Variants in TACC2 observed in about 807,000 individuals in gnomAD.
TACC2 encodes the protein transforming acidic coiled-coil-containing protein 2.
In TACC2, 137 loss-of-function variants were observed where a neutral mutation model predicts 227.3. The ratio of observed to expected loss-of-function variants is 0.60; its 90% CI spans 0.52 to 0.69. TACC2 has a LOEUF of 0.69. Ranked by LOEUF, TACC2 falls within the 30% of genes least tolerant of loss-of-function variation. The pLI is 0.00. For missense variants in TACC2, 3,470 were observed against 3,694.4 expected (o/e 0.94, Z 1.57); for synonymous variants, 1,523 against 1,487.5 (o/e 1.02, Z -0.55).
chr10:122,190,526 T>C (rs1311771812), intron 7 of TACC2, among the ~76,000 whole-genome samples: 1 of 152,184 alleles, frequency 6.6e-6, no homozygotes, highest in Non-Finnish European at 1.5e-5. Flanking sequence ...GGTTACGTTG[T>C]TCCCTCTTTC....
chr10:122,154,362 G>A (rs1011975264), intron 7 of TACC2, among the ~76,000 whole-genome samples: 1 of 152,234 alleles, frequency 6.6e-6, no homozygotes, highest in South Asian at 2.1e-4. Context: ...CACTGCACAG[G>A]GGAAATGCTT....
intron 17 of TACC2, among the ~76,000 whole-genome samples, chr10:122,237,746 C>G (rs958941554): frequency 3.9e-5 from 6 of 152,202 alleles, no homozygotes; most frequent in Non-Finnish European, 4.4e-5. Context: ...AAAAGCATGC[C>G]CCTTTCAGTT....
chr10:122,214,578 C>T (rs886678727), intron 9 of TACC2, among the ~76,000 whole-genome samples: 1 of 152,150 alleles, frequency 6.6e-6, no homozygotes, highest in Admixed American at 6.5e-5. Flanking sequence ...AAAGAGCCCC[C>T]ATTCTGACTG....
intron 5 of TACC2, among the ~76,000 whole-genome samples, chr10:122,118,740 A>G (rs927245288): frequency 4.6e-5 from 7 of 152,196 alleles, no homozygotes; most frequent in Admixed American, 1.3e-4. Flanking sequence ...TGCCTCATCT[A>G]TATAAGAATA....
At chr10:122,095,032 C>G (rs1035609868) in intron 5 of TACC2, among the ~76,000 whole-genome samples, 5 of 152,174 alleles carry the variant, frequency 3.3e-5, no homozygotes, top group African/African-American at 1.2e-4. Flanking sequence ...AGCTCCCCCC[C>G]ACCACTTTAT....
chr10:122,132,045 A>G (rs1264494840), intron 5 of TACC2, among the ~76,000 whole-genome samples: 193 of 3,164 alleles, frequency 0.061, 1 homozygote, highest in East Asian at 0.31. Flanking sequence ...AGAAAGAAAG[A>G]AAGAAAGAAA....
chr10:122,170,774 C>T (rs972897970), intron 7 of TACC2, among the ~76,000 whole-genome samples: 1 of 152,228 alleles, frequency 6.6e-6, no homozygotes, highest in African/African-American at 2.4e-5. Flanking sequence ...CGCCGCTCCT[C>T]CCCTCGCCTG....
chr10:122,082,583 C>G, intron 3 of TACC2, 64 bp from the exon 4 acceptor site: 2 of 1,534,130 alleles, frequency 1.3e-6, no homozygotes, highest in Non-Finnish European at 1.8e-6. Context: ...GGGGGGTGAC[C>G]TGCCTGCAGT....
At chr10:122,239,799 G>A (rs1277949678) in intron 18 of TACC2, among the ~76,000 whole-genome samples, 7 of 152,160 alleles carry the variant, frequency 4.6e-5, no homozygotes, top group Admixed American at 3.3e-4. Flanking sequence ...CAGATGTACC[G>A]GCATTTGGTA....
intron 6 of TACC2, among the ~76,000 whole-genome samples, chr10:122,140,490 A>C (rs2090366007): frequency 6.6e-6 from 1 of 152,242 alleles, no homozygotes; most frequent in Non-Finnish European, 1.5e-5. Flanking sequence ...GGAAAAAGGC[A>C]TCCCAGATGT....
intron 7 of TACC2, among the ~76,000 whole-genome samples, chr10:122,189,432 G>A (rs2094333023): frequency 6.6e-6 from 1 of 152,176 alleles, no homozygotes; most frequent in Non-Finnish European, 1.5e-5. Context: ...ATGCTGGCTG[G>A]CTTTCCCCGA....
intron 3 of TACC2, chr10:122,051,642 C>G (rs1252046005): frequency 6.6e-6 from 1 of 152,062 alleles, no homozygotes; most frequent in African/African-American, 2.4e-5. Flanking sequence ...TTAAGGGAAG[C>G]AAATGAGCAG....
At chr10:122,036,184 G>C (rs1960259155) in intron 2 of TACC2, among the ~76,000 whole-genome samples, 1 of 147,970 alleles carries the variant, frequency 6.8e-6, no homozygotes, top group Non-Finnish European at 1.5e-5. Flanking sequence ...ACCACATTTT[G>C]CTAATCCATT....
At chr10:122,075,764 A>C (rs57182949) in intron 3 of TACC2, among the ~76,000 whole-genome samples, 15,954 of 152,222 alleles carry the variant, frequency 0.1, 1,212 homozygotes, top group East Asian at 0.32. Context: ...CGCAGAATAC[A>C]TGAAACTGGA....
chr10:122,164,716 A>G (rs1235369474), intron 7 of TACC2, among the ~76,000 whole-genome samples: 2 of 152,120 alleles, frequency 1.3e-5, no homozygotes, highest in African/African-American at 4.8e-5. Flanking sequence ...GATGGGGCGT[A>G]TTGAATGGGT....
At chr10:122,064,880 T>A (rs145348655) in intron 3 of TACC2, among the ~76,000 whole-genome samples, 140 of 152,294 alleles carry the variant, frequency 9.2e-4, no homozygotes, top group African/African-American at 3.2e-3. Flanking sequence ...ATGCTTATAG[T>A]CCTGTATAGA....
At position 122,132,736 on chromosome 10, in the gene TACC2, T is replaced by C. The variant is rs1291538562; in HGVS notation, c.5699+2T>C. 6.2e-7 allele frequency: 1 copy of C among 1,613,802 alleles called. No individual in the cohort carries two copies. The highest frequency in any genetic ancestry group is 2.2e-5 in the East Asian group (1 of 44,850). ...CTCTACGGATCTGATAGCCCAGAGGTACGGTGGGGGCCCTGGAGCTGGTGA... is the reference window on the plus strand; with the variant it reads ...CTCTACGGATCTGATAGCCCAGAGGCACGGTGGGGGCCCTGGAGCTGGTGA... On this transcript the variant is annotated splice_donor_variant, in intron 6 of 22. Transcript: ENST00000369005. LOFTEE classifies it high-confidence loss of function.
intron 7 of TACC2, among the ~76,000 whole-genome samples, chr10:122,149,137 C>T (rs1243755947): frequency 1.3e-5 from 2 of 152,368 alleles, no homozygotes; most frequent in African/African-American, 2.4e-5. Context: ...AAGGCAGCCA[C>T]AGCTGACCTC....
intron 6 of TACC2, among the ~76,000 whole-genome samples, chr10:122,135,718 G>A (rs2089484979): frequency 6.6e-6 from 1 of 152,242 alleles, no homozygotes; most frequent in Non-Finnish European, 1.5e-5. Context: ...GATTACCCCA[G>A]AGTTGATACT....
Sources: gnomAD v4.1 joint callset for allele counts (sites outside exome capture counted in the v4.1 genomes callset) on GRCh38, gnomAD v4.1.1 for gene constraint, MANE v1.5 for transcripts, NCBI Gene and HGNC (gene_info 2026-07-23, HGNC 2026-07-21) for gene names.